DLG2: variants seen among roughly 807,000 people sequenced by gnomAD.
DLG2 encodes disks large homolog 2.
Under a neutral mutation model 132.5 loss-of-function variants are expected in DLG2, and 45 were observed. The ratio of observed to expected loss-of-function variants is 0.34; its 90% CI spans 0.27 to 0.44. DLG2 has a LOEUF of 0.44. Ranked by LOEUF, DLG2 falls within the 20% of genes least tolerant of loss-of-function variation. The pLI, the probability that DLG2 is intolerant of heterozygous loss-of-function variation, is 1.00. For missense variants in DLG2, 1,045 were observed against 1,196.9 expected (o/e 0.87, Z 1.87); for synonymous variants, 424 against 419.6 (o/e 1.01, Z -0.13).
At chr11:83,813,468 C>G (rs140778117) in intron 17 of DLG2, among the ~76,000 whole-genome samples, 1 of 152,194 alleles carries the variant, frequency 6.6e-6, no homozygotes, top group East Asian at 1.9e-4. Context: ...TCAGCTGGCT[C>G]CTGCTTGAGT....
At chr11:85,560,074 G>A (rs536043027) in intron 3 of DLG2, among the ~76,000 whole-genome samples, 61 of 151,910 alleles carry the variant, frequency 4.0e-4, no homozygotes, top group African/African-American at 1.5e-3. Context: ...GAATTAGAAA[G>A]ATAGACAATA....
chr11:85,082,423 TC>T (rs2067352372), intron 6 of DLG2, among the ~76,000 whole-genome samples: 2 of 151,996 alleles, frequency 1.3e-5, no homozygotes, highest in African/African-American at 2.4e-5. Flanking sequence ...CTCTGGTGCC[TC>T]CCAAAGCCAA....
intron 18 of DLG2, among the ~76,000 whole-genome samples, chr11:83,768,566 C>T (rs1382103313): frequency 6.6e-6 from 1 of 152,180 alleles, no homozygotes; most frequent in Non-Finnish European, 1.5e-5. Flanking sequence ...ACCCTCTTCC[C>T]TCAATTGCTC....
chr11:85,555,137 T>G (rs2076868816), intron 3 of DLG2, among the ~76,000 whole-genome samples: 1 of 151,906 alleles, frequency 6.6e-6, no homozygotes, highest in African/African-American at 2.4e-5. Context: ...TGGGTTTGTC[T>G]GTGCAGTGGG....
intron 11 of DLG2, among the ~76,000 whole-genome samples, chr11:83,989,903 A>C (rs1409135125): frequency 6.6e-6 from 1 of 152,166 alleles, no homozygotes; most frequent in East Asian, 1.9e-4. Flanking sequence ...GTAACAACTA[A>C]AGAAAATTGG....
At chr11:84,241,519 T>C (rs2097224946) in intron 8 of DLG2, among the ~76,000 whole-genome samples, 1 of 152,144 alleles carries the variant, frequency 6.6e-6, no homozygotes, top group African/African-American at 2.4e-5. Context: ...CTTTTCACCA[T>C]GCATTATCCA....
chr11:85,146,756 A>T (rs1318438803), intron 5 of DLG2, among the ~76,000 whole-genome samples: 1 of 152,204 alleles, frequency 6.6e-6, no homozygotes, highest in South Asian at 2.1e-4. Context: ...ATGTACCCCA[A>T]GTCCACTGGC....
intron 11 of DLG2, among the ~76,000 whole-genome samples, chr11:83,999,085 C>T (rs2094197680): frequency 6.6e-6 from 1 of 152,162 alleles, no homozygotes. Context: ...AGCAGTGTGG[C>T]TACTACCAGT....
intron 18 of DLG2, among the ~76,000 whole-genome samples, chr11:83,737,831 TA>T (rs2092107227): frequency 1.3e-5 from 2 of 152,268 alleles, no homozygotes; most frequent in South Asian, 4.1e-4. Flanking sequence ...TGGGTGCCTG[TA>T]AAAGGGTTAG....
At chr11:85,445,063 A>G (rs943086952) in intron 3 of DLG2, among the ~76,000 whole-genome samples, 1 of 152,226 alleles carries the variant, frequency 6.6e-6, no homozygotes, top group Admixed American at 6.5e-5. Context: ...CTGGGGAATA[A>G]AAGTGTACTA....
chr11:85,218,885 A>G (rs1236018227), intron 4 of DLG2, among the ~76,000 whole-genome samples: 5 of 152,226 alleles, frequency 3.3e-5, no homozygotes, highest in African/African-American at 1.2e-4. Flanking sequence ...CTATGCAGCC[A>G]TAAAAAGAAT....
At chr11:83,875,080 G>A (rs1246189737) in intron 15 of DLG2, among the ~76,000 whole-genome samples, 1 of 152,030 alleles carries the variant, frequency 6.6e-6, no homozygotes, top group Non-Finnish European at 1.5e-5. Flanking sequence ...TATTTAGTTA[G>A]TATAGATGTA....
In DLG2 at chr11:83,469,511, C is replaced by T. The variant is rs572852493; in HGVS notation, c.2447-138G>A. 194 of 625,380 alleles carry T rather than the reference C, an allele frequency of 3.1e-4. No individual in the cohort carries two copies. In the African/African-American group the frequency reaches 3.2e-3, roughly 10 times the overall value. The allele number at this position is 625,380 out of a possible 1,614,324, so 38.7% of individuals were successfully genotyped here. ...AAGAAATATGACATAGTAACAGGTA[C>T]TAGTCTTACCCTCCCACCATAAGCA... On this transcript the variant is annotated intron_variant, in intron 24 of 27. Coordinates refer to ENST00000376104, the MANE Select transcript of DLG2 (RefSeq NM_001142699.3).
At chr11:84,795,271 C>A in intron 6 of DLG2, among the ~76,000 whole-genome samples, 1 of 152,182 alleles carries the variant, frequency 6.6e-6, no homozygotes, top group East Asian at 1.9e-4. Flanking sequence ...ACTCTGCCTG[C>A]AGAGAGGAGC....
intron 8 of DLG2, among the ~76,000 whole-genome samples, chr11:84,185,708 T>C (rs1045886556): frequency 1.4e-4 from 22 of 152,308 alleles, no homozygotes; most frequent in African/African-American, 4.6e-4. Context: ...GGCTGTGGGT[T>C]TGTCATAGAT....
intron 6 of DLG2, among the ~76,000 whole-genome samples, chr11:84,636,784 ATTT>A (rs58336974): frequency 1.4e-4 from 20 of 145,600 alleles, no homozygotes; most frequent in Admixed American, 2.7e-4. Context: ...AGGGATGCAC[ATTT>A]TTTTTTTTTT....
intron 21 of DLG2, among the ~76,000 whole-genome samples, chr11:83,528,446 C>T (rs2095660455): frequency 1.3e-5 from 2 of 152,150 alleles, no homozygotes; most frequent in Non-Finnish European, 2.9e-5. Flanking sequence ...ACTTGCTTAA[C>T]CCTATTCCAA....
chr11:84,650,861 G>GTATATATATAT (rs1565560648), intron 6 of DLG2, among the ~76,000 whole-genome samples: 1 of 73,922 alleles, frequency 1.4e-5, no homozygotes, highest in Non-Finnish European at 2.8e-5. Flanking sequence ...GTGTGTGTGT[G>GTATATATATAT]TGTGTGTGTG....
chr11:85,527,185 T>A lies in DLG2; in HGVS notation c.40+71472A>T, dbSNP rs553082783. 2.5e-4 allele frequency among the ~76,000 whole-genome samples: 38 copies of A among 152,164 alleles called. No individual in the cohort carries two copies. In the South Asian group the frequency reaches 2.7e-3, roughly 11 times the overall value. On this transcript the variant is annotated intron_variant, in intron 3 of 27. Coordinates refer to ENST00000376104, the MANE Select transcript of DLG2 (RefSeq NM_001142699.3). ...CCTAAAGGATGTTTTTATTTTTTTT[T>A]TTTTTTATTTTACTTTAAGTTCTGG... is the stretch of plus-strand genomic sequence containing the variant.
Sources: gnomAD v4.1 joint callset for allele counts (sites outside exome capture counted in the v4.1 genomes callset) on GRCh38, gnomAD v4.1.1 for gene constraint, MANE v1.5 for transcripts, NCBI Gene and HGNC (gene_info 2026-07-23, HGNC 2026-07-21) for gene names.